The following FAT2 variants were observed in gnomAD, a reference collection of about 807,000 sequenced individuals.
FAT2 encodes FAT atypical cadherin 2.
FAT2 carries 150 observed loss-of-function variants against 295.3 expected under a neutral mutation model. The ratio of observed to expected loss-of-function variants is 0.51; its 90% CI spans 0.44 to 0.58. The LOEUF is 0.58. Among genes scored for constraint, FAT2 ranks in the 20% least tolerant of loss-of-function variants. The pLI, the probability that FAT2 is intolerant of heterozygous loss-of-function variation, is 0.00. For synonymous variants in FAT2, 2,026 were observed against 2,150.3 expected (o/e 0.94, Z 1.60); for missense variants, 4,868 against 5,442.7 (o/e 0.89, Z 3.32).
In FAT2 at chr5:151,589,765, G is replaced by A. The variant is rs60936401; in HGVS notation, c.-21+1400C>T. On this transcript the variant is annotated intron_variant, in intron 1 of 23. Transcript: ENST00000261800. ...CATTTTTTTTAATTAGCCAGGTGTGGTGGTGTTTGTCTGTGGTCCTAGCTA... is the reference window on the plus strand; with the variant it reads ...CATTTTTTTTAATTAGCCAGGTGTGATGGTGTTTGTCTGTGGTCCTAGCTA... 6.9e-3 allele frequency among the ~76,000 whole-genome samples: 1,046 copies of A among 152,248 alleles called. 36 individuals carry two copies. The East Asian group carries it at 0.11, about 16-fold the overall frequency.
rs993166360 is a variant in FAT2 at position 151,565,735 on chromosome 5, T to C, written c.3197A>G (p.Glu1066Gly). ...AQDDDSGLDG[E>G]LQYFLRAGTG... ...GCCAGCACGCAGGAAGTACTGGAGC[T>C]CCCCATCCAAGCCACTGTCATCGTC... The change falls in exon 2 of 24, where the codon GAG (glutamate) becomes GGG (glycine). Residue 1066 changes from glutamate (E) to glycine (G), a missense_variant. By Grantham distance (98) the Glu-to-Gly change is moderately conservative. Transcript: ENST00000261800. 6.3e-7 allele frequency: 1 copy of C among 1,578,744 alleles called. No homozygotes were observed.
chr5:151,542,598 A>T lies in FAT2; in HGVS notation c.8529T>A (p.Asn2843Lys). ...SYRLSADPGS[N>K]VHELFAIDSE... Reference sequence around the variant, plus strand: ...TGTCAATGGCAAAGAGCTCATGGACATTGCTACCAGGGTCTGCAGACAGCC... The same window carrying T: ...TGTCAATGGCAAAGAGCTCATGGACTTTGCTACCAGGGTCTGCAGACAGCC... The change falls in exon 10 of 24, where the codon AAT (asparagine) becomes AAA (lysine). Residue 2843 changes from asparagine (N) to lysine (K), a missense_variant. Asn to Lys is a moderately conservative substitution (Grantham distance 94). This residue lies in a region of FAT2 where 3,297 missense variants were observed against 3,669.4 expected (regional missense o/e 0.90). Transcript: ENST00000261800. 1 of 1,614,214 alleles carries T rather than the reference A, an allele frequency of 6.2e-7. No homozygotes were observed. Among genetic ancestry groups the T allele is most frequent in the Non-Finnish European group, 8.5e-7 (1 of 1,180,028 alleles).
Position 151,525,768 on chromosome 5 carries a change from C to T in FAT2, c.10506G>A (p.Gln3502=), listed in dbSNP as rs2127583890. 6.2e-7 allele frequency: 1 copy of T among 1,614,182 alleles called. No individual in the cohort carries two copies. The change falls in exon 18 of 24, where the codon CAG becomes CAA. Residue 3502 remains glutamine (Q), a splice_region_variant and synonymous_variant. Coordinates refer to ENST00000261800, the MANE Select transcript of FAT2 (RefSeq NM_001447.3). The part of the protein sequence containing the change: ...RAQEWYQLQI[Q]ASDSGIPPLS... Reference sequence around the variant, plus strand: ...ACCAGAAGCCTAGCACAGCTCTCACCTGGATCTGAAGCTGATACCATTCCT... The same window carrying T: ...ACCAGAAGCCTAGCACAGCTCTCACTTGGATCTGAAGCTGATACCATTCCT...
At chr5:151,575,372 T>C (rs1190112270) in intron 1 of FAT2, among the ~76,000 whole-genome samples, 1 of 152,230 alleles carries the variant, frequency 6.6e-6, no homozygotes, top group Admixed American at 6.5e-5. Context: ...AATTAAAAGT[T>C]AAGAAAGCGG....
Position 151,553,281 on chromosome 5 carries a change from T to C in FAT2, c.4052A>G (p.Glu1351Gly), listed in dbSNP as rs772071595. 4 of 1,614,252 alleles carry C rather than the reference T, an allele frequency of 2.5e-6. No homozygotes were observed. The East Asian group carries it at 6.7e-5, about 27-fold the overall frequency. Residue 1351 changes from glutamate to glycine, a missense_variant, in exon 6 of 24, where the codon GAG (glutamate) becomes GGG (glycine). Glu to Gly is a moderately conservative substitution (Grantham distance 98). Around this residue, in one of 5 missense-constraint regions of FAT2, gnomAD observed 3,297 missense variants for 3,669.4 expected, o/e 0.90. Coordinates refer to ENST00000261800, the MANE Select transcript of FAT2 (RefSeq NM_001447.3). ...RPSSIPLAFD[E>G]TYYSFTVMET... ...CATGACCGTAAAGCTGTAGTAGGTCTCATCAAAGGCCAGAGGGATGGAGGA... is the reference window on the plus strand; with the variant it reads ...CATGACCGTAAAGCTGTAGTAGGTCCCATCAAAGGCCAGAGGGATGGAGGA...
intron 12 of FAT2, among the ~76,000 whole-genome samples, chr5:151,536,060 A>G (rs563555631): frequency 1.4e-4 from 22 of 152,214 alleles, no homozygotes; most frequent in Non-Finnish European, 3.1e-4. Context: ...GTAATTATAT[A>G]GAGATTTTGG....
chr5:151,584,329 TC>T (rs1041037178), intron 1 of FAT2, among the ~76,000 whole-genome samples: 1 of 152,156 alleles, frequency 6.6e-6, no homozygotes, highest in African/African-American at 2.4e-5. Flanking sequence ...TCCACAGGGT[TC>T]CCAGGCTTAG....
rs369951261 is a variant in FAT2 at position 151,554,589 on chromosome 5, G to A, written c.3718C>T (p.Pro1240Ser). Residue 1240 changes from proline to serine, a missense_variant, in exon 5 of 24, where the codon CCT becomes TCT. Physicochemically the swap from Pro to Ser is moderately conservative, Grantham distance 74. Transcript: ENST00000261800. ...TTGAAGAGCTTGTGGGAGAATATAG[G>A]TGGATTGTCATTGACGTCCAAGATG... is the stretch of plus-strand genomic sequence containing the variant. ...VGILDVNDNPPIFSHKLFNVR... is the reference protein window; with the variant it reads ...VGILDVNDNPSIFSHKLFNVR... 3 of 1,614,214 alleles carry A rather than the reference G, an allele frequency of 1.9e-6. No homozygotes were observed. The highest frequency in any genetic ancestry group is 2.5e-6 in the Non-Finnish European group (3 of 1,180,042).
intron 21 of FAT2, 68 bp from the exon 22 acceptor site, chr5:151,510,242 A>C: frequency 6.4e-7 from 1 of 1,551,338 alleles, no homozygotes; most frequent in Non-Finnish European, 8.9e-7. Flanking sequence ...TGGCATTGGC[A>C]GACTGGTGTG....
rs1175367667 is a variant in FAT2 at position 151,542,346 on chromosome 5, A to G, written c.8781T>C (p.Thr2927=). 2 of 1,613,858 alleles carry G rather than the reference A, an allele frequency of 1.2e-6. No homozygotes were observed. Among genetic ancestry groups the G allele is most frequent in the Non-Finnish European group, 1.7e-6 (2 of 1,179,942 alleles). The part of the protein sequence containing the change: ...ENSEPGELVA[T]LKTLDADISE... The stretch of plus-strand genomic sequence containing the variant: ...AAATGTCAGCATCCAGGGTCTTTAG[A>G]GTCGCCACCAGTTCGCCAGGCTCAC... The change falls in exon 10 of 24, where the codon ACT becomes ACC. Residue 2927 remains threonine, a synonymous_variant. Transcript: ENST00000261800.
chr5:151,550,554 C>G, intron 8 of FAT2, 36 bp downstream of exon 8: 1 of 1,609,046 alleles, frequency 6.2e-7, no homozygotes, highest in Non-Finnish European at 8.5e-7. Flanking sequence ...CATCTACATG[C>G]AAACGTATTC....
At chr5:151,535,932 C>T (rs2127595905) in intron 12 of FAT2, among the ~76,000 whole-genome samples, 1 of 152,270 alleles carries the variant, frequency 6.6e-6, no homozygotes, top group Middle Eastern at 3.4e-3. Flanking sequence ...AGAGGAAAAA[C>T]CTGGTTTGAG....
At position 151,545,953 on chromosome 5, in the gene FAT2, G is replaced by GCC; in HGVS notation, c.5173_5174insGG (p.Ser1725TrpfsTer5). Reference sequence around the variant, plus strand: ...GCTGCCTCGGATTTTCAGCTGGTAAGACGAGATTTTCTCATGGTCCAATTT... The same window carrying GCC: ...GCTGCCTCGGATTTTCAGCTGGTAAGCCACGAGATTTTCTCATGGTCCAATTT... On this transcript the variant is annotated frameshift_variant, in exon 10 of 24. Transcript: ENST00000261800. LOFTEE classifies it high-confidence loss of function. 1 of 1,614,166 alleles carries GCC rather than the reference G, an allele frequency of 6.2e-7. No homozygotes were observed. Among genetic ancestry groups the GCC allele is most frequent in the Non-Finnish European group, 8.5e-7 (1 of 1,180,022 alleles).
In FAT2 at chr5:151,567,970, T is replaced by C. The variant is rs1406689434; in HGVS notation, c.962A>G (p.Asn321Ser). 3 of 1,614,016 alleles carry C rather than the reference T, an allele frequency of 1.9e-6. No individual in the cohort carries two copies. Among genetic ancestry groups the C allele is most frequent in the African/African-American group, 1.3e-5 (1 of 74,918 alleles). Residue 321 changes from asparagine to serine, a missense_variant, in exon 2 of 24, where the codon AAC becomes AGC. By Grantham distance (46) the Asn-to-Ser change is conservative. Transcript: ENST00000261800. ...GAACCCATGAAGGTACTCCATCCAGTTGATGTCTTTGACAGACACCAAACT... is the reference window on the plus strand; with the variant it reads ...GAACCCATGAAGGTACTCCATCCAGCTGATGTCTTTGACAGACACCAAACT... The part of the protein sequence containing the change: ...EFSLVSVKDI[N>S]WMEYLHGFNL...
In FAT2 at chr5:151,574,691, G is replaced by A. The variant is rs372125036; in HGVS notation, c.-20-5740C>T. ...AGTCTCCCACTCTGGTGTGGATAGG[G>A]CTTGAACACCAGCTCTATTGGTTTA... is the stretch of plus-strand genomic sequence containing the variant. On this transcript the variant is annotated intron_variant, in intron 1 of 23. Transcript: ENST00000261800. 3.9e-5 allele frequency among the ~76,000 whole-genome samples: 6 copies of A among 152,334 alleles called. No homozygotes were observed. In the East Asian group the frequency reaches 1.2e-3, roughly 29 times the overall value.
chr5:151,522,873 G>A (rs536865945), intron 18 of FAT2, among the ~76,000 whole-genome samples: 1 of 152,196 alleles, frequency 6.6e-6, no homozygotes, highest in African/African-American at 2.4e-5. Context: ...GCTGGCACGC[G>A]CAGGGTTGCA....
In FAT2 at chr5:151,531,908, C is replaced by T. The variant is rs200687536; in HGVS notation, c.9490G>A (p.Ala3164Thr). ...TCCAGGCGGATCACCCCCGTGGTGG[C>T]GTCGATGGAAAAGTGGCCTTCGGCT... is the stretch of plus-strand genomic sequence containing the variant. Reference protein sequence around the residue: ...DSAEGHFSIDATTGVIRLEKP... With the variant: ...DSAEGHFSIDTTTGVIRLEKP... Residue 3164 changes from alanine to threonine, a missense_variant, in exon 14 of 24, where the codon GCC becomes ACC. Ala to Thr is a moderately conservative substitution (Grantham distance 58). Transcript: ENST00000261800. This position sits in a 1 kb window ranked among gnomAD's most constrained non-coding sequence, Gnocchi z 5.7. 18 of 1,614,202 alleles carry T rather than the reference C, an allele frequency of 1.1e-5. No individual in the cohort carries two copies. Among genetic ancestry groups the T allele is most frequent in the East Asian group, 4.5e-5 (2 of 44,884 alleles).
rs1316966808 is a variant in FAT2 at position 151,521,894 on chromosome 5, T to C, written c.10699A>G (p.Ser3567Gly). ...DRDPQDTLTY[S>G]LAEEETLGRH... ...CCCAGGGTCTCCTCTTCTGCCAGGC[T>C]ATAGGTCAGCGTGTCCTGGGGGTCT... The change falls in exon 19 of 24, where the codon AGC (serine) becomes GGC (glycine). Residue 3567 changes from serine to glycine, a missense_variant. Physicochemically the swap from Ser to Gly is moderately conservative, Grantham distance 56. Around this residue, in one of 5 missense-constraint regions of FAT2, gnomAD observed 1,046 missense variants for 1,210.1 expected, o/e 0.86. Coordinates refer to ENST00000261800, the MANE Select transcript of FAT2 (RefSeq NM_001447.3). 6.2e-7 allele frequency: 1 copy of C among 1,613,926 alleles called. No homozygotes were observed. The highest frequency in any genetic ancestry group is 1.1e-5 in the South Asian group (1 of 91,056).
chr5:151,534,978 T>C (rs1387936517), intron 12 of FAT2, among the ~76,000 whole-genome samples: 3 of 138,772 alleles, frequency 2.2e-5, no homozygotes, highest in Non-Finnish European at 4.8e-5. Context: ...AAAATATATA[T>C]ATATATATAT....
Sources: allele counts gnomAD v4.1 joint callset (sites outside exome capture counted in the v4.1 genomes callset), GRCh38; gene constraint gnomAD v4.1.1; regional missense constraint gnomAD v4.1.1; non-coding constraint Gnocchi (gnomAD v3.1); transcripts MANE v1.5; gene names NCBI Gene and HGNC (gene_info 2026-07-23, HGNC 2026-07-21).